The following ACACA variants were observed in gnomAD, a reference collection of about 807,000 sequenced individuals.
ACACA encodes acetyl-CoA carboxylase 1.
A neutral mutation model predicts 296.1 loss-of-function variants in ACACA; 103 were observed. The ratio of observed to expected loss-of-function variants is 0.35; its 90% CI spans 0.30 to 0.41. The LOEUF (loss-of-function observed/expected upper bound fraction) is 0.41, where lower values mean the gene tolerates loss of function less well. Among genes scored for constraint, ACACA ranks in the 10% least tolerant of loss-of-function variants. ACACA has a pLI of 1.00. For synonymous variants in ACACA, 953 were observed against 1,038.6 expected, an observed-to-expected ratio of 0.92 and a Z score of 1.58; for missense variants, 1,554 against 2,989.7, an observed-to-expected ratio of 0.52 and a Z score of 11.20.
intron 2 of ACACA, among the ~76,000 whole-genome samples, chr17:37,331,050 A>G (rs2047854122): frequency 6.6e-6 from 1 of 151,946 alleles, no homozygotes; most frequent in Non-Finnish European, 1.5e-5. Flanking sequence ...AGCTGGGACT[A>G]TAGGCACGTG....
intron 1 of ACACA, among the ~76,000 whole-genome samples, chr17:37,385,104 TC>T (rs1197617239): frequency 6.6e-6 from 1 of 152,112 alleles, no homozygotes; most frequent in African/African-American, 2.4e-5. Context: ...TGCAATGGCC[TC>T]CTAACAGGTT....
chr17:37,101,740 A>G (rs2073371156), intron 52 of ACACA, among the ~76,000 whole-genome samples: 1 of 152,248 alleles, frequency 6.6e-6, no homozygotes, highest in Non-Finnish European at 1.5e-5. Context: ...CAATGTCTCC[A>G]ATAGTTCCCA....
intron 52 of ACACA, among the ~76,000 whole-genome samples, chr17:37,099,384 G>A (rs948022587): frequency 6.6e-5 from 10 of 152,128 alleles, no homozygotes; most frequent in African/African-American, 2.2e-4. Context: ...TGAACGCACC[G>A]GGCCCCACAC....
chr17:37,152,371 T>C lies in ACACA; in HGVS notation c.5448-950A>G, dbSNP rs548575871. On this transcript the variant is annotated intron_variant, in intron 43 of 55. Coordinates refer to ENST00000616317, the MANE Select transcript of ACACA (RefSeq NM_198834.3). ...ATCAACAATTTTAGACAATTTTACG[T>C]AGGAAGAGAATATCCAAACAGAGCG... Among the ~76,000 whole-genome samples the C allele has an allele frequency of 5.9e-5, 9 of 152,322 alleles. No homozygotes were observed. The South Asian group carries it at 1.9e-3, about 32-fold the overall frequency.
chr17:37,195,349 G>C (rs1216269870), intron 35 of ACACA, among the ~76,000 whole-genome samples: 1 of 151,918 alleles, frequency 6.6e-6, no homozygotes, highest in Non-Finnish European at 1.5e-5. Context: ...AACCAATTAA[G>C]AAAATTTGTA....
chr17:37,100,752 A>T (rs1482947769), intron 52 of ACACA, among the ~76,000 whole-genome samples: 7 of 152,092 alleles, frequency 4.6e-5, no homozygotes, highest in Admixed American at 4.6e-4. Flanking sequence ...TATTGTGGTT[A>T]TGTAGGAGAA....
chr17:37,371,039 C>A (rs1359262667), intron 1 of ACACA, among the ~76,000 whole-genome samples: 3 of 150,876 alleles, frequency 2.0e-5, no homozygotes, highest in Admixed American at 6.6e-5. Flanking sequence ...CAAAAGTAAA[C>A]AAAATATTTT....
chr17:37,379,251 G>A, intron 1 of ACACA: 1 of 1,613,996 alleles, frequency 6.2e-7, no homozygotes, highest in Non-Finnish European at 8.5e-7. Context: ...TTGGAGAGAA[G>A]GCCAAAGGTC....
At position 37,268,713 on chromosome 17, in the gene ACACA, A is replaced by ATATCTATCTATCTATC. The variant is rs1187101546; in HGVS notation, c.1119+2022_1119+2037dup. ...CGTAAAATGTAATATATCTATATCTATATCTATCTATCTATCTATCTATCT... is the reference window on the plus strand; with the variant it reads ...CGTAAAATGTAATATATCTATATCTATATCTATCTATCTATCTATCTATCTATCTATCTATCTATCT... On this transcript the variant is annotated intron_variant, in intron 10 of 55. Transcript: ENST00000616317. Among the ~76,000 whole-genome samples, 13 of 135,640 alleles carry ATATCTATCTATCTATC rather than the reference A, an allele frequency of 9.6e-5. No homozygotes were observed. In the East Asian group the frequency reaches 1.6e-3, roughly 16 times the overall value. 89.0% of individuals were successfully genotyped at this position (135,640 alleles called of 152,430 possible). A position where few individuals can be genotyped will look rare whatever the true frequency, so the allele number is the denominator to read the frequency against.
chr17:37,300,740 C>T (rs2083579907), intron 3 of ACACA, among the ~76,000 whole-genome samples: 1 of 152,182 alleles, frequency 6.6e-6, no homozygotes, highest in African/African-American at 2.4e-5. Flanking sequence ...GCAACTCAAT[C>T]AGGCCACCCA....
intron 3 of ACACA, among the ~76,000 whole-genome samples, chr17:37,324,516 C>T (rs1355230664): frequency 2.0e-5 from 3 of 151,180 alleles, no homozygotes; most frequent in Non-Finnish European, 2.9e-5. Flanking sequence ...CTAAAAAATA[C>T]AAAATTAGCC....
At chr17:37,248,301 G>T in intron 17 of ACACA, 145 bp from the exon 18 acceptor site, 1 of 1,095,866 alleles carries the variant, frequency 9.1e-7, no homozygotes, top group Non-Finnish European at 1.3e-6. Context: ...CAGTGTCTGT[G>T]GACATGGCTC....
At chr17:37,163,727 G>A (rs2076556613) in intron 41 of ACACA, among the ~76,000 whole-genome samples, 1 of 152,174 alleles carries the variant, frequency 6.6e-6, no homozygotes, top group Non-Finnish European at 1.5e-5. Flanking sequence ...TCTAGCACCA[G>A]AAAAACCAAA....
intron 5 of ACACA, among the ~76,000 whole-genome samples, chr17:37,279,785 T>C (rs930643902): frequency 1.3e-5 from 2 of 152,118 alleles, no homozygotes; most frequent in African/African-American, 2.4e-5. Flanking sequence ...CACTCCAGCC[T>C]GGGGGACAGA....
intron 3 of ACACA, chr17:37,299,790 C>T: frequency 1.0e-6 from 1 of 994,382 alleles, no homozygotes; most frequent in Non-Finnish European, 1.2e-6. Flanking sequence ...CAGGGAAAGC[C>T]CAGGACAAAA....
chr17:37,217,766 A>G (rs1446223753), intron 29 of ACACA, among the ~76,000 whole-genome samples: 1 of 92,014 alleles, frequency 1.1e-5, no homozygotes, highest in Non-Finnish European at 2.2e-5. Context: ...AAAAAAAAAC[A>G]ACCTGTTTTC....
At chr17:37,267,428 G>C (rs569598428) in intron 10 of ACACA, among the ~76,000 whole-genome samples, 7 of 152,204 alleles carry the variant, frequency 4.6e-5, no homozygotes, top group African/African-American at 1.7e-4. Flanking sequence ...GTAGTCTGAG[G>C]GCTTGCTCCA....
chr17:37,377,657 C>CTCAA (rs1555667293), intron 1 of ACACA, among the ~76,000 whole-genome samples: 90 of 120,598 alleles, frequency 7.5e-4, no homozygotes, highest in African/African-American at 2.5e-3. Context: ...GAGACTCCGT[C>CTCAA]TCAATAAATA....
chr17:37,114,403 C>T (rs1263835043), intron 50 of ACACA, among the ~76,000 whole-genome samples: 1 of 151,670 alleles, frequency 6.6e-6, no homozygotes, highest in African/African-American at 2.4e-5. Flanking sequence ...CATGGTGGCA[C>T]ATTCCCATAG....
Sources: gnomAD v4.1 joint callset for allele counts (sites outside exome capture counted in the v4.1 genomes callset) on GRCh38, gnomAD v4.1.1 for gene constraint, MANE v1.5 for transcripts, NCBI Gene and HGNC (gene_info 2026-07-23, HGNC 2026-07-21) for gene names.